DNAH9: variants seen among roughly 807,000 people sequenced by gnomAD.
The protein encoded by DNAH9 is DNAH9 variant protein.
DNAH9 carries 345 observed loss-of-function variants against 471.6 expected under a neutral mutation model. That is an observed-to-expected ratio of 0.73 (90% CI 0.67 to 0.80). DNAH9 has a LOEUF of 0.80. Ranked by LOEUF, DNAH9 falls within the 30% of genes least tolerant of loss-of-function variation. The pLI is 0.00. For missense variants in DNAH9, 5,407 were observed against 5,609.2 expected, an observed-to-expected ratio of 0.96 and a Z score of 1.15; for synonymous variants, 2,093 against 2,123.6, an observed-to-expected ratio of 0.99 and a Z score of 0.40.
chr17:11,892,762 C>G lies in DNAH9; in HGVS notation c.11283+815C>G, dbSNP rs1973090643. Among the ~76,000 whole-genome samples the G allele has an allele frequency of 6.6e-6, 1 of 152,098 alleles. No individual in the cohort carries two copies. Among genetic ancestry groups the G allele is most frequent in the African/African-American group, 2.4e-5 (1 of 41,394 alleles). ...AGAGATGGGGTTTCACCATATTGGC[C>G]AGGCTCGTCTCAAACTCCTGACCTC... On this transcript the variant is annotated intron_variant, in intron 58 of 68. Transcript: ENST00000262442. This position sits in a 1 kb window ranked among gnomAD's most constrained non-coding sequence, Gnocchi z 4.3.
chr17:11,883,711 A>G lies in DNAH9; in HGVS notation c.10932A>G (p.Leu3644=), dbSNP rs1417025263. 1.2e-6 allele frequency: 2 copies of G among 1,614,086 alleles called. No individual in the cohort carries two copies. Among genetic ancestry groups the G allele is most frequent in the East Asian group, 4.5e-5 (2 of 44,882 alleles). ...GAGAAACAGTGCTGGTGGAAAACCT[A>G]GAGATCACCAAGCAGACTGCTGCCG... ...FLGETVLVEN[L]EITKQTAAEV... Residue 3644 remains leucine, a synonymous_variant, in exon 56 of 69, where the codon CTA becomes CTG. Transcript: ENST00000262442.
intron 26 of DNAH9, among the ~76,000 whole-genome samples, chr17:11,708,373 GA>G (rs909098635): frequency 1.3e-5 from 2 of 152,176 alleles, no homozygotes; most frequent in African/African-American, 2.4e-5. Context: ...GGCTCCCAGT[GA>G]AGAAGAAACA....
rs71142241 is a variant in DNAH9 at position 11,748,148 on chromosome 17, C to CA, written c.6610+411dup. On this transcript the variant is annotated intron_variant, in intron 32 of 68. Coordinates refer to ENST00000262442, the MANE Select transcript of DNAH9 (RefSeq NM_001372.4). ...TGAAACCCTGTCTCTACTAAAAATA[C>CA]AAAAAAAAAAAAAAAAAAAAAAAAA... 2.1e-3 allele frequency among the ~76,000 whole-genome samples: 139 copies of CA among 64,666 alleles called. 2 individuals are homozygous for CA. The highest frequency in any genetic ancestry group is 8.3e-3 in the African/African-American group (132 of 15,936). 42.4% of individuals were successfully genotyped at this position (64,666 alleles called of 152,430 possible). A position where few individuals can be genotyped will look rare whatever the true frequency, so the allele number is the denominator to read the frequency against.
chr17:11,884,061 G>C (rs1972807069), intron 56 of DNAH9, among the ~76,000 whole-genome samples: 1 of 152,132 alleles, frequency 6.6e-6, no homozygotes, highest in Non-Finnish European at 1.5e-5. Context: ...GCTCAAAATG[G>C]ATACCTCAGA....
chr17:11,964,834 C>A (rs910876296), intron 68 of DNAH9, among the ~76,000 whole-genome samples: 5 of 152,100 alleles, frequency 3.3e-5, no homozygotes, highest in Non-Finnish European at 5.9e-5. Flanking sequence ...GGTTGGAGCA[C>A]CTTCAAAGCC....
chr17:11,768,414 C>T, intron 36 of DNAH9, 39 bp from the exon 37 acceptor site: 2 of 1,598,740 alleles, frequency 1.3e-6, no homozygotes, highest in Admixed American at 1.7e-5. Flanking sequence ...TTCTTGAGTT[C>T]TGGAGGACCT....
At chr17:11,878,052 T>G (rs1972569964) in intron 53 of DNAH9, among the ~76,000 whole-genome samples, 1 of 152,152 alleles carries the variant, frequency 6.6e-6, no homozygotes, top group African/African-American at 2.4e-5. Flanking sequence ...ATATTTTTAT[T>G]TGCATCTTTA....
chr17:11,928,600 A>C (rs1974404383), intron 62 of DNAH9, among the ~76,000 whole-genome samples: 1 of 152,262 alleles, frequency 6.6e-6, no homozygotes, highest in Non-Finnish European at 1.5e-5. Flanking sequence ...ATAGACAGAC[A>C]GCAATCAAAC....
At chr17:11,654,355 C>CAAAAAAAAAA (rs527835262) in intron 14 of DNAH9, among the ~76,000 whole-genome samples, 1 of 11,260 alleles carries the variant, frequency 8.9e-5, no homozygotes, top group Admixed American at 1.8e-3. Context: ...GACTCCGTCT[C>CAAAAAAAAAA]AAAAAAAAAA....
chr17:11,880,951 A>G (rs1972695859), intron 54 of DNAH9, among the ~76,000 whole-genome samples: 1 of 152,156 alleles, frequency 6.6e-6, no homozygotes, highest in Non-Finnish European at 1.5e-5. Flanking sequence ...ATAATGTACT[A>G]ATCTACATTG....
chr17:11,729,043 C>T (rs960853609), intron 28 of DNAH9, among the ~76,000 whole-genome samples: 4 of 152,052 alleles, frequency 2.6e-5, no homozygotes, highest in Non-Finnish European at 5.9e-5. Flanking sequence ...TAGTAGCAGG[C>T]GGAAATGCCT....
At chr17:11,674,754 A>C (rs73975048) in intron 17 of DNAH9, among the ~76,000 whole-genome samples, 7 of 151,762 alleles carry the variant, frequency 4.6e-5, no homozygotes, top group Admixed American at 4.6e-4. Context: ...AAATAAATCC[A>C]TTTTTTGCCC....
intron 6 of DNAH9, among the ~76,000 whole-genome samples, chr17:11,624,726 G>A (rs768195390): frequency 7.9e-5 from 12 of 151,952 alleles, no homozygotes; most frequent in East Asian, 1.9e-4. Flanking sequence ...CCCTCCTTCC[G>A]TCCTTTTCTC....
chr17:11,638,552 T>A (rs921502338), intron 9 of DNAH9, among the ~76,000 whole-genome samples: 1 of 152,094 alleles, frequency 6.6e-6, no homozygotes. Context: ...GCCCGGCTAA[T>A]TTTTTTGTAT....
chr17:11,728,538 A>C (rs1445399702), intron 28 of DNAH9, among the ~76,000 whole-genome samples: 1 of 132,748 alleles, frequency 7.5e-6, no homozygotes, highest in Non-Finnish European at 1.6e-5. Flanking sequence ...AAAAAAAAAA[A>C]ACAAAAAAAA....
At chr17:11,896,981 T>C (rs1411468184) in intron 59 of DNAH9, among the ~76,000 whole-genome samples, 1 of 152,110 alleles carries the variant, frequency 6.6e-6, no homozygotes, top group Admixed American at 6.6e-5. Flanking sequence ...TCCCAGCTCC[T>C]TGGGAGGCTG....
chr17:11,666,548 G>T (rs2073871586), intron 15 of DNAH9, among the ~76,000 whole-genome samples: 1 of 152,114 alleles, frequency 6.6e-6, no homozygotes. Context: ...CGAACGGGTG[G>T]GAGCTGAATT....
At chr17:11,662,964 C>G (rs2073800665) in intron 14 of DNAH9, among the ~76,000 whole-genome samples, 1 of 151,506 alleles carries the variant, frequency 6.6e-6, no homozygotes, top group Non-Finnish European at 1.5e-5. Flanking sequence ...ACCGTTTTAT[C>G]CAGGATGGTC....
intron 67 of DNAH9, among the ~76,000 whole-genome samples, chr17:11,946,105 CAGG>C (rs1471026476): frequency 1.4e-5 from 2 of 143,026 alleles, no homozygotes; most frequent in African/African-American, 5.3e-5. Flanking sequence ...GAGGCTGAGG[CAGG>C]AGAATAGTTT....
Sources: gnomAD v4.1 joint callset for allele counts (sites outside exome capture counted in the v4.1 genomes callset) on GRCh38, gnomAD v4.1.1 for gene constraint, Gnocchi (gnomAD v3.1) non-coding constraint, MANE v1.5 for transcripts, NCBI Gene and HGNC (gene_info 2026-07-23, HGNC 2026-07-21) for gene names.